RIMBP2: variants seen among roughly 807,000 people sequenced by gnomAD.
RIMBP2 encodes the protein RIMS-binding protein 2.
A neutral mutation model predicts 118.6 loss-of-function variants in RIMBP2; 48 were observed. The observed-to-expected ratio is 0.40, with a 90% CI of 0.32 to 0.51. The LOEUF (loss-of-function observed/expected upper bound fraction) is 0.51, where lower values mean the gene tolerates loss of function less well. RIMBP2 is among the 20% of genes least tolerant of loss of function. The pLI is 0.41. For synonymous variants in RIMBP2, 762 were observed against 742.9 expected (o/e 1.03, Z -0.42); for missense variants, 1,551 against 1,768.3 (o/e 0.88, Z 2.20).
At chr12:130,502,299 G>A (rs952394151) in intron 4 of RIMBP2, among the ~76,000 whole-genome samples, 3 of 152,144 alleles carry the variant, frequency 2.0e-5, no homozygotes, top group African/African-American at 4.8e-5. Context: ...CCCAGGCTTC[G>A]GGACGGTTTG....
chr12:130,493,454 A>G (rs2138494204), intron 4 of RIMBP2, among the ~76,000 whole-genome samples: 1 of 152,078 alleles, frequency 6.6e-6, no homozygotes, highest in South Asian at 2.1e-4. Flanking sequence ...AGCTGGGATT[A>G]CAGGCGTGTA....
At chr12:130,611,375 A>C (rs919508210) in intron 2 of RIMBP2, among the ~76,000 whole-genome samples, 1 of 152,248 alleles carries the variant, frequency 6.6e-6, no homozygotes, top group East Asian at 1.9e-4. Context: ...TACAGCCTCC[A>C]TCAGACAATA....
chr12:130,589,786 CT>C (rs2059142462), intron 2 of RIMBP2, among the ~76,000 whole-genome samples: 1 of 152,096 alleles, frequency 6.6e-6, no homozygotes, highest in Non-Finnish European at 1.5e-5. Flanking sequence ...TGAATAGCTC[CT>C]CCTGAACCCA....
intron 1 of RIMBP2, among the ~76,000 whole-genome samples, chr12:130,685,883 G>A (rs1040315291): frequency 3.3e-5 from 5 of 152,238 alleles, no homozygotes; most frequent in South Asian, 2.1e-4. Context: ...AACAAAATGC[G>A]CATCAGCCAA....
intron 3 of RIMBP2, among the ~76,000 whole-genome samples, chr12:130,506,996 A>AT (rs2050424411): frequency 6.6e-6 from 1 of 152,086 alleles, no homozygotes. Flanking sequence ...CACCTCCACC[A>AT]CAGCCTCAGT....
chr12:130,524,637 A>G lies in RIMBP2; in HGVS notation c.-216-6720T>C, dbSNP rs569853607. Among the ~76,000 whole-genome samples, 6 of 152,366 alleles carry G rather than the reference A, an allele frequency of 3.9e-5. No individual in the cohort carries two copies. The South Asian group carries it at 1.2e-3, about 32-fold the overall frequency. ...CTGTCAAAGGTGTTTAAGTGAAATA[A>G]TAGAAAAATAATATCTGCACTTGGG... On this transcript the variant is annotated intron_variant, in intron 2 of 22. Coordinates refer to ENST00000690449, the MANE Select transcript of RIMBP2 (RefSeq NM_001393629.1).
At chr12:130,411,533 C>T (rs1345832285) in intron 19 of RIMBP2, among the ~76,000 whole-genome samples, 1 of 143,420 alleles carries the variant, frequency 7.0e-6, no homozygotes, top group African/African-American at 2.5e-5. Context: ...CCTTGGCCAT[C>T]GACATTTAGA....
intron 6 of RIMBP2, among the ~76,000 whole-genome samples, chr12:130,462,977 T>C (rs777808250): frequency 6.6e-6 from 1 of 152,218 alleles, no homozygotes; most frequent in Non-Finnish European, 1.5e-5. Flanking sequence ...ATCCAGCTTG[T>C]TTGCACCTTT....
At chr12:130,453,004 C>T (rs915765270) in intron 7 of RIMBP2, among the ~76,000 whole-genome samples, 1 of 152,308 alleles carries the variant, frequency 6.6e-6, no homozygotes, top group East Asian at 1.9e-4. Flanking sequence ...CTGGTTCCCA[C>T]GGGCCCCTCG....
At chr12:130,598,069 AAAT>A (rs1280057159) in intron 2 of RIMBP2, among the ~76,000 whole-genome samples, 6 of 152,248 alleles carry the variant, frequency 3.9e-5, no homozygotes, top group South Asian at 2.1e-4. Flanking sequence ...AACATACAAA[AAAT>A]AATGTGTCAC....
At chr12:130,627,149 C>T (rs559298050) in intron 2 of RIMBP2, among the ~76,000 whole-genome samples, 45 of 152,330 alleles carry the variant, frequency 3.0e-4, no homozygotes, top group South Asian at 6.2e-4. Context: ...ACCAGGACTA[C>T]GGCTAGCATC....
intron 1 of RIMBP2, among the ~76,000 whole-genome samples, chr12:130,638,945 G>C: frequency 6.6e-6 from 1 of 152,090 alleles, no homozygotes; most frequent in Non-Finnish European, 1.5e-5. Flanking sequence ...ATGGACTCTA[G>C]TTAATAATAC....
At position 130,407,796 on chromosome 12, in the gene RIMBP2, A is replaced by G. The variant is rs757315826; in HGVS notation, c.3623T>C (p.Val1208Ala). The G allele has an allele frequency of 6.2e-7, 1 of 1,613,848 alleles. No homozygotes were observed. Among genetic ancestry groups the G allele is most frequent in the African/African-American group, 1.3e-5 (1 of 74,904 alleles). The change falls in exon 20 of 23, where the codon GTA (valine) becomes GCA (alanine). Residue 1208 changes from valine to alanine, a missense_variant. By Grantham distance (64) the Val-to-Ala change is moderately conservative. This residue lies in a region of RIMBP2 where 1,038 missense variants were observed against 1,125.1 expected (regional missense o/e 0.92). Coordinates refer to ENST00000690449, the MANE Select transcript of RIMBP2 (RefSeq NM_001393629.1). ...CAGGGCCACCATTCTCCGCGTCGAT[A>G]CCGAATGACGCCTGCCACTTCTCCT... ...RSRRSGRRHS[V>A]STRRMVALYD...
At chr12:130,451,811 G>T (rs769618852) in intron 7 of RIMBP2, among the ~76,000 whole-genome samples, 1 of 152,218 alleles carries the variant, frequency 6.6e-6, no homozygotes, top group Non-Finnish European at 1.5e-5. Flanking sequence ...CTGAAGCCAC[G>T]TCCTGGCTCT....
chr12:130,577,026 T>C (rs1292948916), intron 2 of RIMBP2, among the ~76,000 whole-genome samples: 1 of 152,194 alleles, frequency 6.6e-6, no homozygotes, highest in Non-Finnish European at 1.5e-5. Flanking sequence ...CACCATGGGC[T>C]GCGTTGAAGG....
Position 130,434,586 on chromosome 12 carries a change from G to T in RIMBP2, c.2253+148C>A. ...ATTAAATATAAACTTCAGAAACCTAGCACGACTTAGGACCCCAGCTGGGCG... is the reference window on the plus strand; with the variant it reads ...ATTAAATATAAACTTCAGAAACCTATCACGACTTAGGACCCCAGCTGGGCG... On this transcript the variant is annotated intron_variant, in intron 14 of 22. Coordinates refer to ENST00000690449, the MANE Select transcript of RIMBP2 (RefSeq NM_001393629.1). The surrounding 1 kb of genome is among the most constrained non-coding windows in gnomAD (Gnocchi z 5.7). 1 of 789,202 alleles carries T rather than the reference G, an allele frequency of 1.3e-6. No homozygotes were observed. Among genetic ancestry groups the T allele is most frequent in the Non-Finnish European group, 2.0e-6 (1 of 510,276 alleles). The allele number at this position is 789,202 out of a possible 1,614,324, so 48.9% of individuals were successfully genotyped here.
At chr12:130,704,013 C>T (rs1392718039) in intron 1 of RIMBP2, among the ~76,000 whole-genome samples, 1 of 152,110 alleles carries the variant, frequency 6.6e-6, no homozygotes, top group Non-Finnish European at 1.5e-5. Context: ...CCTTTCTGTA[C>T]CAAGAAAGCT....
At chr12:130,492,057 C>T (rs867763782) in intron 4 of RIMBP2, among the ~76,000 whole-genome samples, 4 of 152,228 alleles carry the variant, frequency 2.6e-5, no homozygotes, top group African/African-American at 7.2e-5. Context: ...CTTGCCTGAG[C>T]GAAGAAATTA....
chr12:130,625,469 C>T (rs897674929), intron 2 of RIMBP2, among the ~76,000 whole-genome samples: 3 of 152,226 alleles, frequency 2.0e-5, no homozygotes, highest in Admixed American at 1.3e-4. Flanking sequence ...ACTGGAGCTA[C>T]TCTCAGAGAG....
Sources: gnomAD v4.1 joint callset for allele counts (sites outside exome capture counted in the v4.1 genomes callset) on GRCh38, gnomAD v4.1.1 for gene constraint, gnomAD v4.1.1 regional missense constraint, Gnocchi (gnomAD v3.1) non-coding constraint, MANE v1.5 for transcripts, NCBI Gene and HGNC (gene_info 2026-07-23, HGNC 2026-07-21) for gene names.